The following PLD5 variants were observed in gnomAD, a reference collection of about 807,000 sequenced individuals.
The protein encoded by PLD5 is phospholipase D family member 5.
A neutral mutation model predicts 61.1 loss-of-function variants in PLD5; 36 were observed. That is an observed-to-expected ratio of 0.59 (90% CI 0.45 to 0.78). The LOEUF is 0.78. Ranked by LOEUF, PLD5 falls within the 30% of genes least tolerant of loss-of-function variation. The pLI, the probability that PLD5 is intolerant of heterozygous loss-of-function variation, is 0.00. For missense variants in PLD5, 515 were observed against 644.4 expected (o/e 0.80, Z 2.17); for synonymous variants, 243 against 242.8 (o/e 1.00, Z -0.01).
At chr1:242,253,343 C>A (rs1053428625) in intron 4 of PLD5, among the ~76,000 whole-genome samples, 27 of 139,364 alleles carry the variant, frequency 1.9e-4, no homozygotes, top group African/African-American at 7.0e-4. Flanking sequence ...GACGGAGTCT[C>A]GCTCTGTCGC....
intron 2 of PLD5, among the ~76,000 whole-genome samples, chr1:242,315,884 G>C (rs1480772631): frequency 6.6e-6 from 1 of 152,176 alleles, no homozygotes; most frequent in Non-Finnish European, 1.5e-5. Context: ...AGTTTGATAA[G>C]ACAGCCTCAG....
rs1304726284 is a variant in PLD5, at chr1:242,279,768, G to A, written c.495+8594C>T. Among the ~76,000 whole-genome samples, 10 of 152,280 alleles carry A rather than the reference G, an allele frequency of 6.6e-5. No homozygotes were observed. The South Asian group carries it at 1.4e-3, about 22-fold the overall frequency. On this transcript the variant is annotated intron_variant, in intron 3 of 9. Transcript: ENST00000536534. ...AGGATGGTCTTGACCTACTGACCTC[G>A]TGATCCACCCGCCTCAGCCTCCCAA...
chr1:242,232,925 C>A (rs1671398636), intron 4 of PLD5, among the ~76,000 whole-genome samples: 1 of 151,874 alleles, frequency 6.6e-6, no homozygotes, highest in South Asian at 2.1e-4. Flanking sequence ...GAGGTCCAGA[C>A]AGGTGGATCA....
At chr1:242,403,751 A>T (rs1260319172) in intron 1 of PLD5, among the ~76,000 whole-genome samples, 2 of 152,040 alleles carry the variant, frequency 1.3e-5, no homozygotes, top group Admixed American at 6.5e-5. Context: ...GAGGCCTCCC[A>T]CATGTCTGGA....
intron 2 of PLD5, among the ~76,000 whole-genome samples, chr1:242,325,850 G>T (rs1658739935): frequency 6.6e-6 from 1 of 152,128 alleles, no homozygotes; most frequent in African/African-American, 2.4e-5. Context: ...TTATAAGTCA[G>T]AAATTCTTAT....
intron 1 of PLD5, among the ~76,000 whole-genome samples, chr1:242,491,759 T>C (rs182167955): frequency 6.6e-6 from 1 of 152,354 alleles, no homozygotes; most frequent in East Asian, 1.9e-4. Context: ...TCCATTTTGA[T>C]AATTTACTTC....
chr1:242,230,386 A>G (rs1483641879), intron 4 of PLD5, among the ~76,000 whole-genome samples: 1 of 152,244 alleles, frequency 6.6e-6, no homozygotes, highest in Non-Finnish European at 1.5e-5. Context: ...ATGAATAATT[A>G]TAGATTTCTG....
At chr1:242,520,624 G>A (rs550657473) in intron 1 of PLD5, among the ~76,000 whole-genome samples, 7 of 152,262 alleles carry the variant, frequency 4.6e-5, no homozygotes, top group Admixed American at 1.3e-4. Flanking sequence ...GGAAACCTCC[G>A]TACAGTGCAG....
At chr1:242,092,701 G>C (rs897625649) in intron 9 of PLD5, among the ~76,000 whole-genome samples, 1 of 152,122 alleles carries the variant, frequency 6.6e-6, no homozygotes, top group African/African-American at 2.4e-5. Context: ...CTGGCCCAAG[G>C]GCCCGCAGTC....
rs147574472 is a variant in PLD5, at chr1:242,467,653, T to C, written c.189+56435A>G. The stretch of plus-strand genomic sequence containing the variant: ...CTTCATTAACTTGACCTCTCAACAC[T>C]GTGCAATGATGGGAAAATCCAAGTT... On this transcript the variant is annotated intron_variant, in intron 1 of 9. Transcript: ENST00000536534. Among the ~76,000 whole-genome samples, 27 of 152,280 alleles carry C rather than the reference T, an allele frequency of 1.8e-4. 1 individual carries two copies. Among genetic ancestry groups the C allele is most frequent in the African/African-American group, 5.8e-4 (24 of 41,564 alleles).
intron 5 of PLD5, among the ~76,000 whole-genome samples, chr1:242,140,190 C>T (rs925467028): frequency 1.3e-5 from 2 of 152,192 alleles, no homozygotes; most frequent in Admixed American, 6.5e-5. Context: ...GCAGCAAGAT[C>T]TTCAAACAAT....
intron 1 of PLD5, among the ~76,000 whole-genome samples, chr1:242,449,087 G>A (rs1182716469): frequency 3.3e-5 from 5 of 152,240 alleles, no homozygotes; most frequent in South Asian, 2.1e-4. Flanking sequence ...TGAGGTCACC[G>A]TAGGACTGTC....
chr1:242,376,514 G>A (rs554946594), intron 1 of PLD5, among the ~76,000 whole-genome samples: 75 of 152,224 alleles, frequency 4.9e-4, no homozygotes, highest in African/African-American at 1.7e-3. Flanking sequence ...CATTATTTTA[G>A]CCTGTAATTA....
At chr1:242,459,388 T>C (rs113823286) in intron 1 of PLD5, among the ~76,000 whole-genome samples, 4,415 of 152,326 alleles carry the variant, frequency 0.029, 225 homozygotes, top group African/African-American at 0.1. Flanking sequence ...TATCTAATCT[T>C]AACCCCATTC....
At chr1:242,231,754 A>C (rs952307287) in intron 4 of PLD5, among the ~76,000 whole-genome samples, 1 of 152,208 alleles carries the variant, frequency 6.6e-6, no homozygotes, top group African/African-American at 2.4e-5. Context: ...CTAATATAGG[A>C]TTGGCAGCAC....
chr1:242,136,105 C>G (rs1416575960), intron 5 of PLD5, among the ~76,000 whole-genome samples: 1 of 152,198 alleles, frequency 6.6e-6, no homozygotes, highest in Non-Finnish European at 1.5e-5. Context: ...GCTGTGACTC[C>G]TTTAACTTTG....
intron 3 of PLD5, 122 bp from the exon 4 acceptor site, chr1:242,265,570 C>T: frequency 1.2e-6 from 1 of 809,926 alleles, no homozygotes. Flanking sequence ...TCAAGCATTT[C>T]AACAACTGGT....
intron 2 of PLD5, among the ~76,000 whole-genome samples, chr1:242,325,497 G>GAA (rs1278649403): frequency 4.6e-5 from 7 of 151,108 alleles, no homozygotes; most frequent in Non-Finnish European, 8.9e-5. Context: ...GTGGAGAGAA[G>GAA]AGAGAGAGAG....
chr1:242,270,180 C>T (rs1272313033), intron 3 of PLD5, among the ~76,000 whole-genome samples: 3 of 151,154 alleles, frequency 2.0e-5, no homozygotes, highest in East Asian at 1.9e-4. Context: ...AAAAGGTAAG[C>T]GAAACCTCTC....
Sources: gnomAD v4.1 joint callset for allele counts (sites outside exome capture counted in the v4.1 genomes callset) on GRCh38, gnomAD v4.1.1 for gene constraint, MANE v1.5 for transcripts, NCBI Gene and HGNC (gene_info 2026-07-23, HGNC 2026-07-21) for gene names.